ZFHX3: variants seen among roughly 807,000 people sequenced by gnomAD.
ZFHX3 encodes zinc finger homeobox protein 3.
ZFHX3 carries 42 observed loss-of-function variants against 279.1 expected under a neutral mutation model. That is an observed-to-expected ratio of 0.15 (90% CI 0.12 to 0.19). The LOEUF (loss-of-function observed/expected upper bound fraction) is 0.19. Ranked by LOEUF, ZFHX3 falls within the 10% of genes least tolerant of loss-of-function variation. The probability of loss-of-function intolerance (pLI) is 1.00; values close to 1 mark genes in which losing one functional copy is unlikely to be tolerated. For missense variants in ZFHX3, 4,981 were observed against 4,754.0 expected (o/e 1.05, Z -1.40); for synonymous variants, 2,293 against 1,957.8 (o/e 1.17, Z -4.52).
Position 72,787,266 on chromosome 16 carries a change from T to C in ZFHX3, c.11010A>G (p.Gln3670=). The part of the protein sequence containing the change: ...YSEESDTDLS[Q]KSDGPASPVE... ...CCGGGCTCGCCGGTCCGTCGGACTT[T>C]TGGCTGAGATCCGTGTCAGACTCCT... Residue 3670 remains glutamine, a synonymous_variant, in exon 10 of 10, where the codon CAA becomes CAG. Coordinates refer to ENST00000268489, the MANE Select transcript of ZFHX3 (RefSeq NM_006885.4). 1 of 1,614,110 alleles carries C rather than the reference T, an allele frequency of 6.2e-7. No homozygotes were observed. Among genetic ancestry groups the C allele is most frequent in the Non-Finnish European group, 8.5e-7 (1 of 1,180,034 alleles).
chr16:73,198,680 C>T (rs546042807), intron 5 of ZFHX3, among the ~76,000 whole-genome samples: 1 of 152,138 alleles, frequency 6.6e-6, no homozygotes, highest in Admixed American at 6.6e-5. Context: ...GGTGGCTCAT[C>T]CTCGCTACAG....
chr16:73,823,726 C>T (rs992384165), intron 1 of ZFHX3, among the ~76,000 whole-genome samples: 40 of 152,034 alleles, frequency 2.6e-4, no homozygotes, highest in African/African-American at 9.4e-4. Context: ...AGTATCTGGC[C>T]CTTTACACAA....
At chr16:73,747,246 T>C (rs1324531786) in intron 1 of ZFHX3, among the ~76,000 whole-genome samples, 2 of 152,026 alleles carry the variant, frequency 1.3e-5, no homozygotes, top group African/African-American at 2.4e-5. Flanking sequence ...TAGCCAGACA[T>C]GATGGCTCAT....
chr16:73,875,062 G>C (rs530328408), intron 1 of ZFHX3, among the ~76,000 whole-genome samples: 71 of 152,264 alleles, frequency 4.7e-4, no homozygotes, highest in Non-Finnish European at 8.5e-4. Flanking sequence ...GCTGTTAAGT[G>C]AGCTAAGACT....
At chr16:73,498,234 T>C (rs2019174850) in intron 2 of ZFHX3, among the ~76,000 whole-genome samples, 1 of 152,242 alleles carries the variant, frequency 6.6e-6, no homozygotes, top group African/African-American at 2.4e-5. Flanking sequence ...ACTTAAAATA[T>C]GCAAAATATT....
At chr16:73,550,370 G>A (rs750809577) in intron 2 of ZFHX3, among the ~76,000 whole-genome samples, 1 of 152,118 alleles carries the variant, frequency 6.6e-6, no homozygotes, top group Admixed American at 6.5e-5. Flanking sequence ...TAAACTTGAC[G>A]GGACAAGCTG....
upstream of ZFHX3, among the ~76,000 whole-genome samples, chr16:73,050,656 C>G (rs1965431889): frequency 6.6e-6 from 1 of 152,222 alleles, no homozygotes; most frequent in Non-Finnish European, 1.5e-5. Context: ...TCCTCCAGCT[C>G]TGGAAGCCCT....
intron 5 of ZFHX3, among the ~76,000 whole-genome samples, chr16:73,233,566 A>G (rs879088886): frequency 6.6e-6 from 1 of 152,166 alleles, no homozygotes; most frequent in Non-Finnish European, 1.5e-5. Flanking sequence ...TTTCTGGCAA[A>G]CGTGCCAGGC....
intron 2 of ZFHX3, among the ~76,000 whole-genome samples, chr16:73,546,150 C>T (rs898687082): frequency 2.1e-4 from 32 of 152,196 alleles, no homozygotes; most frequent in Non-Finnish European, 4.4e-4. Context: ...ATTGAAAATT[C>T]CGGATATTAA....
rs923247726 is a variant in ZFHX3, at chr16:73,811,543, C to G, written c.-1608+80108G>C. Among the ~76,000 whole-genome samples, 3 of 147,660 alleles carry G rather than the reference C, an allele frequency of 2.0e-5. No homozygotes were observed. In the Admixed American group the frequency reaches 2.1e-4, roughly 10 times the overall value. ...CACTGTAACCTCTGCCTCCCAGGTT[C>G]AAGCGATTCTCCTGCCTCAGCCTCT... On this transcript the variant is annotated intron_variant, in intron 1 of 17. Transcript: ENST00000641206.
intron 2 of ZFHX3, among the ~76,000 whole-genome samples, chr16:73,564,844 G>T (rs1232243472): frequency 6.6e-6 from 1 of 152,188 alleles, no homozygotes; most frequent in African/African-American, 2.4e-5. Context: ...TTAAATGCTG[G>T]TAGCTATGCA....
chr16:73,694,244 A>G (rs1314476038), intron 1 of ZFHX3, among the ~76,000 whole-genome samples: 1 of 152,114 alleles, frequency 6.6e-6, no homozygotes, highest in Admixed American at 6.5e-5. Context: ...AATCGCTTGA[A>G]CTGGGGAGGC....
intron 3 of ZFHX3, among the ~76,000 whole-genome samples, chr16:73,429,001 G>C (rs1210697951): frequency 1.3e-5 from 2 of 152,140 alleles, no homozygotes; most frequent in Non-Finnish European, 2.9e-5. Context: ...AGGACATCCA[G>C]GTATGCCACT....
At chr16:73,627,402 C>T (rs2052427498) in intron 2 of ZFHX3, among the ~76,000 whole-genome samples, 1 of 152,182 alleles carries the variant, frequency 6.6e-6, no homozygotes. Context: ...AGTGAATATC[C>T]TAAACTTCAT....
intron 2 of ZFHX3, among the ~76,000 whole-genome samples, chr16:73,649,571 G>T (rs1302518400): frequency 6.6e-6 from 1 of 152,148 alleles, no homozygotes; most frequent in Admixed American, 6.5e-5. Context: ...TAATGAATAT[G>T]TATGAGTTTT....
chr16:73,378,268 T>C (rs2016759460), intron 3 of ZFHX3, among the ~76,000 whole-genome samples: 1 of 152,116 alleles, frequency 6.6e-6, no homozygotes, highest in Non-Finnish European at 1.5e-5. Context: ...TCTTTTTGCA[T>C]TTCAGGAGTA....
intron 5 of ZFHX3, among the ~76,000 whole-genome samples, chr16:73,168,263 C>CTTTCTT (rs1555502346): frequency 2.0e-5 from 3 of 148,552 alleles, no homozygotes; most frequent in Non-Finnish European, 4.5e-5. Flanking sequence ...TTCTTTCTTT[C>CTTTCTT]TTTCTTTCTT....
chr16:73,470,689 T>C (rs920873478), intron 2 of ZFHX3, among the ~76,000 whole-genome samples: 1 of 152,204 alleles, frequency 6.6e-6, no homozygotes, highest in African/African-American at 2.4e-5. Context: ...TGGAGTGAAA[T>C]TCCACTTTCA....
chr16:73,785,173 G>C (rs1019924123), intron 1 of ZFHX3, among the ~76,000 whole-genome samples: 1 of 152,090 alleles, frequency 6.6e-6, no homozygotes, highest in African/African-American at 2.4e-5. Flanking sequence ...ACTATTTGCT[G>C]TATACATTAT....
Sources: gnomAD v4.1 joint callset for allele counts (sites outside exome capture counted in the v4.1 genomes callset) on GRCh38, gnomAD v4.1.1 for gene constraint, MANE v1.5 for transcripts, NCBI Gene and HGNC (gene_info 2026-07-23, HGNC 2026-07-21) for gene names.